TAMM41: variants seen among roughly 807,000 people sequenced by gnomAD.
TAMM41 encodes TAM41 mitochondrial translocator assembly and maintenance homolog.
TAMM41 carries 36 observed loss-of-function variants against 44.1 expected under a neutral mutation model. The observed-to-expected ratio is 0.82, with a 90% CI of 0.63 to 1.08. TAMM41 has a LOEUF of 1.08. Among genes scored for constraint, TAMM41 ranks in the 50% least tolerant of loss-of-function variants. TAMM41 has a pLI of 0.00. For missense variants in TAMM41, 417 were observed against 404.3 expected (o/e 1.03, Z -0.27); for synonymous variants, 164 against 153.1 (o/e 1.07, Z -0.53).
the TAMM41 span, among the ~76,000 whole-genome samples, chr3:11,733,555 C>T: frequency 6.6e-6 from 1 of 151,258 alleles, no homozygotes; most frequent in African/African-American, 2.4e-5. Flanking sequence ...TGCAGTGGCA[C>T]CATCTCGGCT....
chr3:11,807,652 C>A (rs905709918), intron 7 of TAMM41, 181 bp downstream of exon 7: 1 of 1,536,270 alleles, frequency 6.5e-7, no homozygotes, highest in African/African-American at 1.4e-5. Context: ...TGACATTGTT[C>A]GACCACCAGG....
At chr3:11,778,221 C>CT in the TAMM41 span, among the ~76,000 whole-genome samples, 1 of 151,910 alleles carries the variant, frequency 6.6e-6, no homozygotes, top group Non-Finnish European at 1.5e-5. Flanking sequence ...TATGAGAACT[C>CT]TATGTTTTTT....
the TAMM41 span, among the ~76,000 whole-genome samples, chr3:11,751,755 G>C: frequency 6.6e-6 from 1 of 152,194 alleles, no homozygotes; most frequent in Non-Finnish European, 1.5e-5. Flanking sequence ...TGCCACTGCT[G>C]ATCCTTCTTG....
chr3:11,763,396 C>T, the TAMM41 span, among the ~76,000 whole-genome samples: 2 of 152,194 alleles, frequency 1.3e-5, no homozygotes, highest in Non-Finnish European at 2.9e-5. Flanking sequence ...CCCACCTTGG[C>T]CTCCCAAAGT....
chr3:11,845,052 T>C (rs1206217987), intron 1 of TAMM41: 1 of 452,940 alleles, frequency 2.2e-6, no homozygotes, highest in Non-Finnish European at 4.4e-6. Context: ...AAGTGCTCTG[T>C]GGATATGGGA....
At chr3:11,753,811 G>T in the TAMM41 span, among the ~76,000 whole-genome samples, 1 of 152,058 alleles carries the variant, frequency 6.6e-6, no homozygotes, top group Non-Finnish European at 1.5e-5. Flanking sequence ...AAACAGGAGT[G>T]TGCTTGGTGC....
the TAMM41 span, among the ~76,000 whole-genome samples, chr3:11,765,179 C>T: frequency 1.3e-5 from 2 of 152,212 alleles, no homozygotes; most frequent in South Asian, 2.1e-4. Context: ...TTCTCTGGCT[C>T]TGGTTAAGTA....
At chr3:11,745,985 C>T in the TAMM41 span, among the ~76,000 whole-genome samples, 5 of 152,084 alleles carry the variant, frequency 3.3e-5, no homozygotes, top group South Asian at 8.3e-4. Flanking sequence ...TCTCATATAC[C>T]GTTTGGCACT....
chr3:11,764,661 T>G, the TAMM41 span, among the ~76,000 whole-genome samples: 6 of 151,272 alleles, frequency 4.0e-5, no homozygotes, highest in African/African-American at 1.5e-4. Flanking sequence ...CCTGGCTAAT[T>G]TTTTGTATTT....
At chr3:11,753,356 C>G in the TAMM41 span, among the ~76,000 whole-genome samples, 1 of 150,630 alleles carries the variant, frequency 6.6e-6, no homozygotes, top group African/African-American at 2.4e-5. Context: ...ATCATTTGAG[C>G]CTGGGAGGCA....
intron 7 of TAMM41, among the ~76,000 whole-genome samples, chr3:11,800,844 AC>A (rs1245127197): frequency 2.6e-5 from 4 of 152,232 alleles, no homozygotes; most frequent in Admixed American, 2.6e-4. Flanking sequence ...CCCAACATCT[AC>A]AGAATATATG....
intron 7 of TAMM41, among the ~76,000 whole-genome samples, chr3:11,804,148 A>G (rs1054728653): frequency 6.6e-5 from 10 of 152,224 alleles, no homozygotes; most frequent in Non-Finnish European, 1.5e-4. Flanking sequence ...CAGGGCCACA[A>G]GGACAGCTGA....
the TAMM41 span, among the ~76,000 whole-genome samples, chr3:11,734,155 T>C: frequency 2.0e-5 from 3 of 152,120 alleles, no homozygotes; most frequent in Non-Finnish European, 2.9e-5. Flanking sequence ...ACCCGGGCCT[T>C]TGGTGGCCAG....
At chr3:11,782,006 C>G in the TAMM41 span, among the ~76,000 whole-genome samples, 15 of 152,156 alleles carry the variant, frequency 9.9e-5, no homozygotes, top group African/African-American at 3.6e-4. Flanking sequence ...TCAGAAGGAA[C>G]AGAGAAAAGA....
chr3:11,756,632 G>A, the TAMM41 span, among the ~76,000 whole-genome samples: 2 of 152,124 alleles, frequency 1.3e-5, no homozygotes, highest in Non-Finnish European at 2.9e-5. Context: ...TTGGGAGGCC[G>A]AGGCGGGCAG....
chr3:11,844,462 G>A (rs930152611), intron 1 of TAMM41, among the ~76,000 whole-genome samples: 2 of 152,198 alleles, frequency 1.3e-5, no homozygotes, highest in African/African-American at 4.8e-5. Context: ...AACATACGCA[G>A]TCACTCCATT....
chr3:11,742,194 T>A, the TAMM41 span, among the ~76,000 whole-genome samples: 1 of 149,938 alleles, frequency 6.7e-6, no homozygotes, highest in Non-Finnish European at 1.5e-5. Context: ...ACCACAAAAA[T>A]CCCTTGGGGT....
At chr3:11,840,048 C>T (rs1014906406) in intron 2 of TAMM41, among the ~76,000 whole-genome samples, 8 of 152,112 alleles carry the variant, frequency 5.3e-5, no homozygotes, top group South Asian at 2.1e-4. Flanking sequence ...GCCCACTCAG[C>T]CCATGAGGAC....
the TAMM41 span, among the ~76,000 whole-genome samples, chr3:11,767,585 G>A: frequency 5.5e-5 from 8 of 145,340 alleles, no homozygotes; most frequent in African/African-American, 1.0e-4. Flanking sequence ...AGCAATGTAC[G>A]AGGGTTCCAC....
Sources: gnomAD v4.1 joint callset for allele counts (sites outside exome capture counted in the v4.1 genomes callset) on GRCh38, gnomAD v4.1.1 for gene constraint, MANE v1.5 for transcripts, NCBI Gene and HGNC (gene_info 2026-07-23, HGNC 2026-07-21) for gene names.